Variants in CAND1 observed in about 807,000 individuals in gnomAD.
The protein encoded by CAND1 is cullin associated and neddylation dissociated 1.
A neutral mutation model predicts 108.5 loss-of-function variants in CAND1; 7 were observed. The observed-to-expected ratio is 0.06, with a 90% CI of 0.04 to 0.12. The LOEUF (loss-of-function observed/expected upper bound fraction) is 0.12. Among genes scored for constraint, CAND1 ranks in the 10% least tolerant of loss-of-function variants. The probability of loss-of-function intolerance (pLI) is 1.00; values close to 1 mark genes in which losing one functional copy is unlikely to be tolerated. For synonymous variants in CAND1, 534 were observed against 512.0 expected (o/e 1.04, Z -0.58); for missense variants, 941 against 1,448.7 (o/e 0.65, Z 5.69).
chr12:67,270,089 G>A, intron 1 of CAND1: 1 of 382,490 alleles, frequency 2.6e-6, no homozygotes, highest in South Asian at 3.6e-5. Flanking sequence ...TGCGTCTCAG[G>A]TAGCGCGAAG....
At chr12:67,300,491 G>T in intron 7 of CAND1, among the ~76,000 whole-genome samples, 1 of 151,892 alleles carries the variant, frequency 6.6e-6, no homozygotes, top group African/African-American at 2.4e-5. Flanking sequence ...TTCTTCTTTA[G>T]CCTTTTCCAT....
intron 2 of CAND1, among the ~76,000 whole-genome samples, chr12:67,287,644 C>T (rs1269824624): frequency 1.3e-5 from 2 of 151,920 alleles, no homozygotes; most frequent in Admixed American, 6.6e-5. Context: ...ACCAGCTTTA[C>T]GAATCTGAAT....
intron 1 of CAND1, among the ~76,000 whole-genome samples, chr12:67,280,606 A>C (rs945483244): frequency 3.3e-5 from 5 of 152,184 alleles, no homozygotes; most frequent in African/African-American, 1.2e-4. Flanking sequence ...GAATTATGGG[A>C]CAAGTTCATT....
chr12:67,282,075 G>A (rs2044624766), intron 2 of CAND1, 22 bp downstream of exon 2: 1 of 1,610,658 alleles, frequency 6.2e-7, no homozygotes, highest in Non-Finnish European at 8.5e-7. Flanking sequence ...TTTACTGGTT[G>A]AGTCTTTCTT....
rs780926182 is a variant in CAND1 at position 67,302,502 on chromosome 12, G to A, written c.1180G>A (p.Val394Ile). 1 of 1,613,978 alleles carries A rather than the reference G, an allele frequency of 6.2e-7. No individual in the cohort carries two copies. The highest frequency in any genetic ancestry group is 1.3e-5 in the African/African-American group (1 of 74,916). ...KEREENVKADVFHAYLSLLKQ... is the reference protein window; with the variant it reads ...KEREENVKADIFHAYLSLLKQ... Reference sequence around the variant, plus strand: ...GCGTGAAGAGAATGTAAAGGCAGATGTTTTTCACGCATACCTTTCTCTTTT... The same window carrying A: ...GCGTGAAGAGAATGTAAAGGCAGATATTTTTCACGCATACCTTTCTCTTTT... The change falls in exon 8 of 15, where the codon GTT (valine) becomes ATT (isoleucine). Residue 394 changes from valine to isoleucine, a missense_variant. Physicochemically the swap from Val to Ile is conservative, Grantham distance 29 (BLOSUM62 3). Transcript: ENST00000545606.
chr12:67,294,197 C>G (rs2136006435), intron 3 of CAND1, among the ~76,000 whole-genome samples: 1 of 152,014 alleles, frequency 6.6e-6, no homozygotes, highest in South Asian at 2.1e-4. Context: ...ATTTCCGGTT[C>G]TTACAAGAAT....
intron 1 of CAND1, among the ~76,000 whole-genome samples, chr12:67,281,025 G>C (rs1327187678): frequency 1.3e-5 from 2 of 152,056 alleles, no homozygotes; most frequent in African/African-American, 4.8e-5. Context: ...TGGATTCCCT[G>C]AGGTCAGGAG....
intron 14 of CAND1, 52 bp downstream of exon 14, chr12:67,311,852 C>T (rs768044683): frequency 1.1e-5 from 11 of 993,846 alleles, no homozygotes; most frequent in East Asian, 2.4e-5. Flanking sequence ...TTGGGGATTC[C>T]TAGCCAATTC....
At chr12:67,287,308 G>A (rs755353356) in intron 2 of CAND1, among the ~76,000 whole-genome samples, 2 of 152,190 alleles carry the variant, frequency 1.3e-5, no homozygotes, top group African/African-American at 2.4e-5. Flanking sequence ...TTTCTCAAGA[G>A]TAGTTTAGTT....
rs977026052 is a variant in CAND1 at position 67,305,276 on chromosome 12, A to G, written c.1608A>G (p.Thr536=). 4.3e-6 allele frequency: 7 copies of G among 1,614,056 alleles called. No homozygotes were observed. The highest frequency in any genetic ancestry group is 4.5e-5 in the East Asian group (2 of 44,894). ...TTGGAGACCCATTTTACAAAATTAC[A>G]TCTGAAGCACTTCTTGTTACTCAAC... ...ACVGDPFYKI[T]SEALLVTQQL... Residue 536 remains threonine, a synonymous_variant, in exon 10 of 15, where the codon ACA becomes ACG. Transcript: ENST00000545606. The surrounding 1 kb of genome is among the most constrained non-coding windows in gnomAD (Gnocchi z 4.4).
intron 14 of CAND1, among the ~76,000 whole-genome samples, chr12:67,312,319 G>T (rs143110755): frequency 3.3e-5 from 5 of 152,068 alleles, no homozygotes; most frequent in Non-Finnish European, 5.9e-5. Flanking sequence ...TAAAGTGTGA[G>T]ACTTGCTAAG....
At chr12:67,272,707 TTGTTTTTTTGAG>T (rs1280522617) in intron 1 of CAND1, among the ~76,000 whole-genome samples, 1 of 152,080 alleles carries the variant, frequency 6.6e-6, no homozygotes, top group Non-Finnish European at 1.5e-5. Context: ...TTTTTTTTGT[TTGTTTTTTTGAG>T]ATGGAGTCTT....
intron 8 of CAND1, among the ~76,000 whole-genome samples, chr12:67,304,266 G>A (rs985293140): frequency 3.9e-5 from 6 of 152,136 alleles, no homozygotes; most frequent in African/African-American, 1.4e-4. Flanking sequence ...GGGATTACAG[G>A]CGTGAGCCAC....
intron 2 of CAND1, among the ~76,000 whole-genome samples, chr12:67,286,456 G>A (rs1313051504): frequency 6.6e-6 from 1 of 152,062 alleles, no homozygotes; most frequent in Non-Finnish European, 1.5e-5. Context: ...ATTTGGTTGT[G>A]TCAGTTTTTA....
At chr12:67,304,231 G>A (rs2044855822) in intron 8 of CAND1, among the ~76,000 whole-genome samples, 1 of 151,946 alleles carries the variant, frequency 6.6e-6, no homozygotes, top group African/African-American at 2.4e-5. Context: ...CTCGTGATCT[G>A]CCTGCCTCAG....
rs1328614406 is a variant in CAND1 at position 67,313,915 on chromosome 12, A to G, written c.*1085A>G. On this transcript the variant is annotated 3_prime_UTR_variant, in exon 15 of 15. Coordinates refer to ENST00000545606, the MANE Select transcript of CAND1 (RefSeq NM_018448.5). ...TTTTAGTTGAGTTAGGTTTTTCCCC[A>G]TCTCCTGTAGAGCGAATTTACATAT... 1 of 152,576 alleles carries G rather than the reference A, an allele frequency of 6.6e-6. No homozygotes were observed. Among genetic ancestry groups the G allele is most frequent in the Non-Finnish European group, 1.5e-5 (1 of 68,002 alleles). 9.5% of individuals were successfully genotyped at this position (152,576 alleles called of 1,614,324 possible). A position where few individuals can be genotyped will look rare whatever the true frequency, so the allele number is the denominator to read the frequency against.
rs759955689 is a variant in CAND1, at chr12:67,304,625, T to G, written c.1314T>G (p.Ala438=). 4.3e-6 allele frequency: 7 copies of G among 1,613,540 alleles called. No homozygotes were observed. The highest frequency in any genetic ancestry group is 1.6e-4 in the Middle Eastern group (1 of 6,080). ...TGCAGGTTCCCAACATTGTTAAAGC[T>G]CTTCACAAACAGATGAAAGAAAAAA... ...LQSQVPNIVK[A]LHKQMKEKSV... is the part of the protein sequence containing the mutation. The change falls in exon 9 of 15, where the codon GCT becomes GCG. Residue 438 remains alanine, a synonymous_variant. Transcript: ENST00000545606.
At chr12:67,304,205 G>A (rs2044855391) in intron 8 of CAND1, among the ~76,000 whole-genome samples, 1 of 151,894 alleles carries the variant, frequency 6.6e-6, no homozygotes, top group African/African-American at 2.4e-5. Flanking sequence ...GGCCAGAATG[G>A]TCTCGATTTC....
At position 67,297,507 on chromosome 12, in the gene CAND1, G is replaced by A. The variant is rs973985207; in HGVS notation, c.592G>A (p.Ala198Thr). 9.9e-6 allele frequency: 16 copies of A among 1,613,812 alleles called. No homozygotes were observed. Among genetic ancestry groups the A allele is most frequent in the Middle Eastern group, 1.6e-4 (1 of 6,084 alleles). Residue 198 changes from alanine to threonine, a missense_variant, in exon 5 of 15, where the codon GCT (alanine) becomes ACT (threonine). By Grantham distance (58) the Ala-to-Thr change is moderately conservative. Coordinates refer to ENST00000545606, the MANE Select transcript of CAND1 (RefSeq NM_018448.5). ...RLAVRKRTIIALGHLVMSCGN... is the reference protein window; with the variant it reads ...RLAVRKRTIITLGHLVMSCGN... ...TGCAGTGAGGAAAAGAACCATTATC[G>A]CTCTTGGCCATCTGGTTATGAGCTG... is the stretch of plus-strand genomic sequence containing the variant.
Sources: allele counts gnomAD v4.1 joint callset (sites outside exome capture counted in the v4.1 genomes callset), GRCh38; gene constraint gnomAD v4.1.1; non-coding constraint Gnocchi (gnomAD v3.1); transcripts MANE v1.5; gene names NCBI Gene and HGNC (gene_info 2026-07-23, HGNC 2026-07-21).